SH3RF2: variants seen among roughly 807,000 people sequenced by gnomAD.
SH3RF2 encodes E3 ubiquitin-protein ligase SH3RF2.
SH3RF2 carries 43 observed loss-of-function variants against 59.0 expected under a neutral mutation model. That is an observed-to-expected ratio of 0.73 (90% CI 0.57 to 0.94). The LOEUF is 0.94. Among genes scored for constraint, SH3RF2 ranks in the 40% least tolerant of loss-of-function variants. The pLI is 0.00. For missense variants in SH3RF2, 930 were observed against 940.1 expected (o/e 0.99, Z 0.14); for synonymous variants, 391 against 391.5 (o/e 1.00, Z 0.01).
At chr5:146,019,877 A>G (rs1048583627) in intron 5 of SH3RF2, among the ~76,000 whole-genome samples, 2 of 151,562 alleles carry the variant, frequency 1.3e-5, no homozygotes, top group Non-Finnish European at 2.9e-5. Flanking sequence ...GCTATTGTAA[A>G]AGGGATTGAG....
At chr5:145,975,223 A>G (rs1449664899) in intron 2 of SH3RF2, among the ~76,000 whole-genome samples, 1 of 152,204 alleles carries the variant, frequency 6.6e-6, no homozygotes, top group Non-Finnish European at 1.5e-5. Context: ...GTCCTTCCCA[A>G]CTGACACTGG....
At chr5:145,946,922 G>A (rs1456148439) in intron 2 of SH3RF2, among the ~76,000 whole-genome samples, 1 of 152,116 alleles carries the variant, frequency 6.6e-6, no homozygotes, top group East Asian at 1.9e-4. Flanking sequence ...TACTTGTGCT[G>A]CCAAAGCCCT....
chr5:146,069,695 C>G (rs1763188812), intron 9 of SH3RF2, among the ~76,000 whole-genome samples: 1 of 152,076 alleles, frequency 6.6e-6, no homozygotes, highest in Non-Finnish European at 1.5e-5. Context: ...CACCTCACCC[C>G]CACAAGTAGC....
rs372745407 is a variant in SH3RF2, at chr5:145,969,914, A to G, written c.379-30144A>G. Among the ~76,000 whole-genome samples, 23 of 152,180 alleles carry G rather than the reference A, an allele frequency of 1.5e-4. No homozygotes were observed. The East Asian group carries it at 2.9e-3, about 19-fold the overall frequency. On this transcript the variant is annotated intron_variant, in intron 2 of 9. Transcript: ENST00000359120. ...CCTTGCTTATGAGGTAGCCTTGAAC[A>G]TGAGTACATTTTCCCTGGGCTCTGC...
intron 2 of SH3RF2, among the ~76,000 whole-genome samples, chr5:145,957,851 G>A (rs571069028): frequency 6.6e-6 from 1 of 152,302 alleles, no homozygotes; most frequent in East Asian, 1.9e-4. Flanking sequence ...AGCGGCTCAC[G>A]CCTGTAATCC....
At chr5:146,077,337 TG>T (rs1409922900) in intron 9 of SH3RF2, among the ~76,000 whole-genome samples, 4 of 152,350 alleles carry the variant, frequency 2.6e-5, no homozygotes, top group African/African-American at 9.6e-5. Flanking sequence ...AGGTTGAGTT[TG>T]GTCATCAAAA....
downstream of SH3RF2, among the ~76,000 whole-genome samples, chr5:146,066,713 T>C (rs2962531): frequency 0.95 from 144,320 of 152,256 alleles, 68,900 homozygotes; most frequent in East Asian, 1. Context: ...TGGGTTTAAA[T>C]GTAGCAATGG....
At chr5:146,057,928 G>GTC (rs58826823) in intron 8 of SH3RF2, among the ~76,000 whole-genome samples, 6,684 of 133,052 alleles carry the variant, frequency 0.05, 152 homozygotes, top group African/African-American at 0.064. Flanking sequence ...GGCTGTTAGT[G>GTC]TCTCTCTCTC....
downstream of SH3RF2, among the ~76,000 whole-genome samples, chr5:146,064,840 G>GA (rs1205340417): frequency 1.4e-4 from 2 of 14,690 alleles, no homozygotes; most frequent in South Asian, 0.032. Context: ...AAGAAAGAAA[G>GA]AAAGAAAGAA....
intron 2 of SH3RF2, among the ~76,000 whole-genome samples, chr5:145,982,685 C>G (rs1028034526): frequency 6.6e-6 from 1 of 152,138 alleles, no homozygotes; most frequent in Non-Finnish European, 1.5e-5. Context: ...TTTCTGTCCT[C>G]ACAAAGTTTA....
In SH3RF2 at chr5:146,062,842, A is replaced by T; in HGVS notation, c.*141A>T. 3 of 1,203,124 alleles carry T rather than the reference A, an allele frequency of 2.5e-6. No homozygotes were observed. 74.5% of individuals were successfully genotyped at this position (1,203,124 alleles called of 1,614,324 possible). ...CCTATTTCACCTCCAGGAAAGCAAA[A>T]GTGGGAGCAGAAATTCCTGCCCTGG... On this transcript the variant is annotated 3_prime_UTR_variant, in exon 10 of 10. Coordinates refer to ENST00000359120, the MANE Select transcript of SH3RF2 (RefSeq NM_152550.4).
chr5:145,987,352 G>A (rs1012967221), intron 2 of SH3RF2, among the ~76,000 whole-genome samples: 3 of 151,946 alleles, frequency 2.0e-5, no homozygotes, highest in South Asian at 2.1e-4. Context: ...CCCTTCCCCC[G>A]AAGCCCCCAA....
At chr5:145,995,180 G>C (rs1300580314) in intron 2 of SH3RF2, among the ~76,000 whole-genome samples, 2 of 152,106 alleles carry the variant, frequency 1.3e-5, no homozygotes, top group African/African-American at 4.8e-5. Context: ...GAGCTCTAGG[G>C]ATCATGTCTG....
intron 5 of SH3RF2, among the ~76,000 whole-genome samples, chr5:146,028,050 C>A (rs1761595416): frequency 6.6e-6 from 1 of 152,096 alleles, no homozygotes; most frequent in Non-Finnish European, 1.5e-5. Context: ...CCCAACCCTG[C>A]CCGGGTGGAA....
chr5:145,950,103 C>T (rs115982725), intron 2 of SH3RF2, among the ~76,000 whole-genome samples: 3,901 of 152,302 alleles, frequency 0.026, 149 homozygotes, highest in African/African-American at 0.089. Flanking sequence ...TTCATAACTA[C>T]TACCATCATG....
chr5:146,000,252 C>G lies in SH3RF2; in HGVS notation c.573C>G (p.Leu191=). The G allele has an allele frequency of 6.2e-7, 1 of 1,614,000 alleles. No homozygotes were observed. The highest frequency in any genetic ancestry group is 1.6e-4 in the Middle Eastern group (1 of 6,062). Reference sequence around the variant, plus strand: ...AGCAGCTGCCCCAGCCGCCCCCGCTCTGCAGGGCCCTCTACAACTTCGACC... The same window carrying G: ...AGCAGCTGCCCCAGCCGCCCCCGCTGTGCAGGGCCCTCTACAACTTCGACC... The part of the protein sequence containing the change: ...VIKQLPQPPP[L]CRALYNFDLR... Residue 191 remains leucine (L), a synonymous_variant, in exon 3 of 10, where the codon CTC becomes CTG. Transcript: ENST00000359120.
At chr5:145,962,888 CTTTTT>C (rs1168517787) in intron 2 of SH3RF2, among the ~76,000 whole-genome samples, 1 of 104,550 alleles carries the variant, frequency 9.6e-6, no homozygotes, top group Non-Finnish European at 1.8e-5. Flanking sequence ...TATTATTCCA[CTTTTT>C]TTTTTTTTTT....
At chr5:146,075,505 C>T (rs1763322286) in intron 9 of SH3RF2, among the ~76,000 whole-genome samples, 1 of 152,108 alleles carries the variant, frequency 6.6e-6, no homozygotes, top group Non-Finnish European at 1.5e-5. Context: ...AACTGCTTTC[C>T]ACCTCAGTTA....
intron 2 of SH3RF2, among the ~76,000 whole-genome samples, chr5:145,944,751 C>A (rs1284664190): frequency 2.6e-5 from 4 of 152,126 alleles, no homozygotes; most frequent in Non-Finnish European, 5.9e-5. Context: ...GCACTGACAC[C>A]CCTTTCTTCT....
Sources: allele counts gnomAD v4.1 joint callset (sites outside exome capture counted in the v4.1 genomes callset), GRCh38; gene constraint gnomAD v4.1.1; transcripts MANE v1.5; gene names NCBI Gene and HGNC (gene_info 2026-07-23, HGNC 2026-07-21).